Variants in LIFR observed in about 807,000 individuals in gnomAD.
LIFR encodes leukemia inhibitory factor receptor.
LIFR carries 84 observed loss-of-function variants against 122.2 expected under a neutral mutation model. The ratio of observed to expected loss-of-function variants is 0.69; its 90% confidence interval spans 0.58 to 0.82. The LOEUF is 0.82. Among genes scored for constraint, LIFR ranks in the 40% least tolerant of loss-of-function variants. The pLI is 0.00. For synonymous variants in LIFR, 422 were observed against 434.7 expected (o/e 0.97, Z 0.36); for missense variants, 1,294 against 1,311.6 (o/e 0.99, Z 0.21).
intron 5 of LIFR, among the ~76,000 whole-genome samples, chr5:38,520,183 T>C (rs150269893): frequency 1.3e-5 from 2 of 152,190 alleles, no homozygotes; most frequent in East Asian, 3.9e-4. Context: ...GTGAGCTGAT[T>C]TGATTGTGGT....
rs535400576 is a variant in LIFR at position 38,502,711 on chromosome 5, A to T, written c.1526T>A (p.Ile509Asn). The change falls in exon 11 of 20, where the codon ATT becomes AAT. Residue 509 changes from isoleucine to asparagine, a missense_variant. By Grantham distance (149) the Ile-to-Asn change is moderately radical. Transcript: ENST00000453190. ...LNPYTLYTFR[I>N]RCSTETFWKW... is the part of the protein sequence containing the mutation. ...CCAGAAAGTTTCAGTAGAACAACGA[A>T]TCCGAAAAGTATATAGAGTGTATGG... 6.2e-7 allele frequency: 1 copy of T among 1,612,402 alleles called. No individual in the cohort carries two copies. The highest frequency in any genetic ancestry group is 1.1e-5 in the South Asian group (1 of 91,038).
chr5:38,508,639 C>T (rs922424980), intron 7 of LIFR, among the ~76,000 whole-genome samples: 10 of 151,734 alleles, frequency 6.6e-5, no homozygotes, highest in Non-Finnish European at 1.2e-4. Context: ...TGCAGTGGTG[C>T]GATCTCAGCT....
At chr5:38,607,705 A>T (rs1355508453) in intron 1 of LIFR, 1 of 152,270 alleles carries the variant, frequency 6.6e-6, no homozygotes, top group African/African-American at 2.4e-5. Context: ...GAGATTGCCC[A>T]CTTCCCCCCT....
chr5:38,566,160 TAG>T (rs1341028265), intron 1 of LIFR, among the ~76,000 whole-genome samples: 1 of 152,210 alleles, frequency 6.6e-6, no homozygotes, highest in East Asian at 1.9e-4. Context: ...GATGAAGTTT[TAG>T]ATATAAGCTT....
In LIFR at chr5:38,488,927, A is replaced by T. The variant is rs1744427470; in HGVS notation, c.2335+151T>A. 6.2e-6 allele frequency: 4 copies of T among 646,654 alleles called. No individual in the cohort carries two copies. In the Admixed American group the frequency reaches 1.1e-4, roughly 18 times the overall value. 40.1% of individuals were successfully genotyped at this position (646,654 alleles called of 1,614,324 possible). ...CACACTAAAATCTTAAAACTCTTATATTCATAGAATTACTGCCTTTTCATT... is the reference window on the plus strand; with the variant it reads ...CACACTAAAATCTTAAAACTCTTATTTTCATAGAATTACTGCCTTTTCATT... On this transcript the variant is annotated intron_variant, in intron 16 of 19. Transcript: ENST00000453190.
intron 14 of LIFR, among the ~76,000 whole-genome samples, chr5:38,491,466 C>G (rs1233492682): frequency 6.6e-6 from 1 of 152,178 alleles, no homozygotes; most frequent in Non-Finnish European, 1.5e-5. Context: ...TAAGGGCCAT[C>G]TGAATAAGGC....
intron 1 of LIFR, among the ~76,000 whole-genome samples, chr5:38,553,641 TATA>T (rs1463513745): frequency 1.2e-5 from 1 of 82,148 alleles, no homozygotes; most frequent in East Asian, 5.9e-4. Context: ...TATATATATA[TATA>T]TATATATATA....
At chr5:38,565,537 A>G (rs1025963) in intron 1 of LIFR, among the ~76,000 whole-genome samples, 50,435 of 151,660 alleles carry the variant, frequency 0.33, 8,514 homozygotes, top group East Asian at 0.42. Context: ...GAGATGATGT[A>G]TATGAGAAAG....
At chr5:38,497,288 C>A (rs1298001930) in intron 12 of LIFR, among the ~76,000 whole-genome samples, 1 of 152,126 alleles carries the variant, frequency 6.6e-6, no homozygotes, top group African/African-American at 2.4e-5. Flanking sequence ...GTCTCAACAA[C>A]AACAACAGCA....
chr5:38,564,735 TAC>T (rs3047301), intron 1 of LIFR, among the ~76,000 whole-genome samples: 4,361 of 137,388 alleles, frequency 0.032, 59 homozygotes, highest in African/African-American at 0.036. Context: ...ACACACACAC[TAC>T]ACACACACAC....
chr5:38,607,264 G>A (rs1750347575), intron 1 of LIFR, among the ~76,000 whole-genome samples: 1 of 152,198 alleles, frequency 6.6e-6, no homozygotes, highest in Admixed American at 6.5e-5. Flanking sequence ...GTCACAGCCT[G>A]TATGTATAAC....
intron 1 of LIFR, among the ~76,000 whole-genome samples, chr5:38,565,627 G>C (rs1170808988): frequency 7.0e-6 from 1 of 143,358 alleles, no homozygotes; most frequent in African/African-American, 2.6e-5. Flanking sequence ...CGCTCTTGTT[G>C]CCCAGGCTGG....
intron 4 of LIFR, among the ~76,000 whole-genome samples, chr5:38,526,707 T>C (rs1001973237): frequency 3.3e-5 from 5 of 152,192 alleles, no homozygotes; most frequent in Non-Finnish European, 5.9e-5. Context: ...ATTCTAATCA[T>C]GATCAGGACC....
At chr5:38,525,387 T>C (rs926962374) in intron 4 of LIFR, among the ~76,000 whole-genome samples, 26 of 152,166 alleles carry the variant, frequency 1.7e-4, no homozygotes, top group African/African-American at 6.3e-4. Context: ...CATATAGTCA[T>C]GGTAAGCCCA....
Position 38,481,331 on chromosome 5 carries a change from G to A in LIFR, c.*264C>T. ...TATTAGCCTTGAAATGCTTCTTGAAGGTAGAGTACATGAGAATTCTTTGGC... is the reference window on the plus strand; with the variant it reads ...TATTAGCCTTGAAATGCTTCTTGAAAGTAGAGTACATGAGAATTCTTTGGC... On this transcript the variant is annotated 3_prime_UTR_variant, in exon 20 of 20. Coordinates refer to ENST00000453190, the MANE Select transcript of LIFR (RefSeq NM_001127671.2). 1 of 528,242 alleles carries A rather than the reference G, an allele frequency of 1.9e-6. No individual in the cohort carries two copies. Among genetic ancestry groups the A allele is most frequent in the Non-Finnish European group, 3.4e-6 (1 of 293,110 alleles). 32.7% of individuals were successfully genotyped at this position (528,242 alleles called of 1,614,324 possible).
chr5:38,514,802 C>T (rs961252713), intron 5 of LIFR, among the ~76,000 whole-genome samples: 9 of 152,144 alleles, frequency 5.9e-5, no homozygotes, highest in Non-Finnish European at 1.0e-4. Flanking sequence ...TACAGTATAA[C>T]TACTATTTAC....
At chr5:38,523,017 A>G (rs73749270) in intron 5 of LIFR, among the ~76,000 whole-genome samples, 1 of 151,850 alleles carries the variant, frequency 6.6e-6, no homozygotes, top group Non-Finnish European at 1.5e-5. Flanking sequence ...ATAGATTTAT[A>G]AAAAAAAATT....
chr5:38,507,846 G>A (rs939831459), intron 7 of LIFR, among the ~76,000 whole-genome samples: 2 of 151,562 alleles, frequency 1.3e-5, no homozygotes, highest in East Asian at 3.9e-4. Flanking sequence ...ACCTTCCCCA[G>A]AGATAAGGAT....
At position 38,583,750 on chromosome 5, in the gene LIFR, C is replaced by T. The variant is rs183793902; in HGVS notation, c.-20+11511G>A. The stretch of plus-strand genomic sequence containing the variant: ...TTGATATGGTTTGACTGTGTCCCCA[C>T]CCAAATCTCATCTTGAATTGTGACT... On this transcript the variant is annotated intron_variant, in intron 1 of 19. Transcript: ENST00000263409. Among the ~76,000 whole-genome samples the T allele has an allele frequency of 4.8e-3, 732 of 152,250 alleles. 16 individuals are homozygous for T. Among genetic ancestry groups the T allele is most frequent in the Admixed American group, 0.041 (634 of 15,290 alleles).
Sources: allele counts gnomAD v4.1 joint callset (sites outside exome capture counted in the v4.1 genomes callset), GRCh38; gene constraint gnomAD v4.1.1; transcripts MANE v1.5; gene names NCBI Gene and HGNC (gene_info 2026-07-23, HGNC 2026-07-21).